Variants in PPARGC1A observed in about 807,000 individuals in gnomAD.
The protein encoded by PPARGC1A is PPARG coactivator 1 alpha.
PPARGC1A carries 25 observed loss-of-function variants against 88.7 expected under a neutral mutation model. The ratio of observed to expected loss-of-function variants is 0.28; its 90% CI spans 0.21 to 0.39. The LOEUF (loss-of-function observed/expected upper bound fraction) is 0.39, where lower values mean the gene tolerates loss of function less well. Ranked by LOEUF, PPARGC1A falls within the 10% of genes least tolerant of loss-of-function variation. The pLI is 1.00. For synonymous variants in PPARGC1A, 363 were observed against 355.6 expected (o/e 1.02, Z -0.24); for missense variants, 880 against 968.7 (o/e 0.91, Z 1.22).
At chr4:24,002,091 C>CAGAGAGAG in the PPARGC1A span, among the ~76,000 whole-genome samples, 10 of 137,712 alleles carry the variant, frequency 7.3e-5, no homozygotes, top group African/African-American at 3.0e-4. Flanking sequence ...CACACACACA[C>CAGAGAGAG]ACACACAGAG....
the PPARGC1A span, chr4:24,091,687 C>A: frequency 1.0e-6 from 1 of 971,188 alleles, no homozygotes; most frequent in Non-Finnish European, 1.2e-6. Flanking sequence ...GCAGGAAGAA[C>A]CCACCGGGGA....
chr4:24,272,337 T>G, the PPARGC1A span, among the ~76,000 whole-genome samples: 2 of 152,136 alleles, frequency 1.3e-5, no homozygotes, highest in East Asian at 1.9e-4. Context: ...CCTTTAAGTA[T>G]GGATCCAGGA....
At chr4:23,947,386 TATATATATATAA>T in the PPARGC1A span, among the ~76,000 whole-genome samples, 12 of 10,972 alleles carry the variant, frequency 1.1e-3, no homozygotes, top group Non-Finnish European at 1.7e-3. Context: ...TATATATATA[TATATATATATAA>T]AAAAAACGGT....
the PPARGC1A span, among the ~76,000 whole-genome samples, chr4:24,069,287 C>G: frequency 6.6e-6 from 1 of 152,158 alleles, no homozygotes; most frequent in East Asian, 1.9e-4. Context: ...TATGGTAATA[C>G]TGATTTTTTG....
At chr4:24,018,259 GTTC>G in the PPARGC1A span, among the ~76,000 whole-genome samples, 8 of 152,020 alleles carry the variant, frequency 5.3e-5, no homozygotes, top group Non-Finnish European at 1.2e-4. Flanking sequence ...ACTATTCTCA[GTTC>G]TTCTTGCTTT....
chr4:23,910,324 A>ATG, the PPARGC1A span, among the ~76,000 whole-genome samples: 3 of 43,726 alleles, frequency 6.9e-5, no homozygotes, highest in African/African-American at 4.8e-4. Context: ...TATTATATAT[A>ATG]TTATATATTA....
the PPARGC1A span, among the ~76,000 whole-genome samples, chr4:24,109,489 C>T: frequency 6.6e-6 from 1 of 152,256 alleles, no homozygotes; most frequent in South Asian, 2.1e-4. Flanking sequence ...CTAGGAGGCA[C>T]TGGATAAATA....
chr4:24,199,433 G>A, the PPARGC1A span, among the ~76,000 whole-genome samples: 2 of 152,100 alleles, frequency 1.3e-5, no homozygotes, highest in African/African-American at 2.4e-5. Context: ...GAGAACTATG[G>A]GAGCAAGGGG....
At chr4:24,130,658 T>C in the PPARGC1A span, among the ~76,000 whole-genome samples, 1 of 152,176 alleles carries the variant, frequency 6.6e-6, no homozygotes, top group Admixed American at 6.5e-5. Flanking sequence ...CTTCCCATTA[T>C]GCACCATCAT....
chr4:23,841,640 A>G (rs1279392145), intron 2 of PPARGC1A, among the ~76,000 whole-genome samples: 3 of 152,058 alleles, frequency 2.0e-5, no homozygotes, highest in African/African-American at 7.2e-5. Context: ...AATAGTTTCA[A>G]ACCTGGAGCC....
At chr4:24,439,328 G>A in the PPARGC1A span, among the ~76,000 whole-genome samples, 1 of 152,190 alleles carries the variant, frequency 6.6e-6, no homozygotes, top group African/African-American at 2.4e-5. Flanking sequence ...GGCTTTGAAT[G>A]AGTTCAAATG....
At chr4:24,322,916 C>T in the PPARGC1A span, among the ~76,000 whole-genome samples, 3 of 152,192 alleles carry the variant, frequency 2.0e-5, no homozygotes, top group Non-Finnish European at 4.4e-5. Context: ...AACTTCATCA[C>T]GTGTAGTCAA....
chr4:24,055,840 C>T, the PPARGC1A span, among the ~76,000 whole-genome samples: 1 of 152,316 alleles, frequency 6.6e-6, no homozygotes, highest in South Asian at 2.1e-4. Flanking sequence ...TAGCCTGGCA[C>T]CAAGTCGCAT....
chr4:23,801,837 A>G lies in PPARGC1A; in HGVS notation c.2186T>C (p.Phe729Ser). Residue 729 changes from phenylalanine (F) to serine (S), a missense_variant, in exon 12 of 13, where the codon TTT (phenylalanine) becomes TCT (serine). Physicochemically the swap from Phe to Ser is radical, Grantham distance 155. Transcript: ENST00000264867. Reference sequence around the variant, plus strand: ...AGTGTATCCATTTTCAAGAGCAGCAAAAGCATCACAGGTATAACGGTAGGT... The same window carrying G: ...AGTGTATCCATTTTCAAGAGCAGCAGAAGCATCACAGGTATAACGGTAGGT... ...FITYRYTCDA[F>S]AALENGYTLR... is the part of the protein sequence containing the mutation. The G allele has an allele frequency of 6.2e-7, 1 of 1,614,058 alleles. No individual in the cohort carries two copies. Among genetic ancestry groups the G allele is most frequent in the Non-Finnish European group, 8.5e-7 (1 of 1,179,974 alleles).
At chr4:24,141,548 T>C in the PPARGC1A span, among the ~76,000 whole-genome samples, 7 of 152,200 alleles carry the variant, frequency 4.6e-5, no homozygotes, top group African/African-American at 1.2e-4. Flanking sequence ...ATTCAAGGAA[T>C]TGCTTATCAA....
chr4:24,138,978 A>C, the PPARGC1A span, among the ~76,000 whole-genome samples: 1 of 152,152 alleles, frequency 6.6e-6, no homozygotes, highest in East Asian at 1.9e-4. Flanking sequence ...AGTGTGATCC[A>C]CCAAGGGAAG....
At chr4:24,223,935 A>G in the PPARGC1A span, among the ~76,000 whole-genome samples, 1 of 152,242 alleles carries the variant, frequency 6.6e-6, no homozygotes, top group African/African-American at 2.4e-5. Context: ...TTTAAGAAAG[A>G]AAGAAATATC....
chr4:23,864,706 T>C (rs1190756973), intron 2 of PPARGC1A, among the ~76,000 whole-genome samples: 1 of 152,198 alleles, frequency 6.6e-6, no homozygotes, highest in Admixed American at 6.5e-5. Context: ...TTCTGATCCC[T>C]GGGAGCACAT....
chr4:24,226,772 A>G, the PPARGC1A span, among the ~76,000 whole-genome samples: 1 of 152,222 alleles, frequency 6.6e-6, no homozygotes, highest in Non-Finnish European at 1.5e-5. Context: ...GTTGCCTTCC[A>G]GAAGGCAGGA....
Sources: allele counts gnomAD v4.1 joint callset (sites outside exome capture counted in the v4.1 genomes callset), GRCh38; gene constraint gnomAD v4.1.1; transcripts MANE v1.5; gene names NCBI Gene and HGNC (gene_info 2026-07-23, HGNC 2026-07-21).